HIBCH: variants seen among roughly 807,000 people sequenced by gnomAD.
HIBCH encodes 3-hydroxyisobutyryl-CoA hydrolase.
Under a neutral mutation model 58.2 loss-of-function variants are expected in HIBCH, and 50 were observed. The observed-to-expected ratio is 0.86, with a 90% CI of 0.68 to 1.09. The LOEUF is 1.09. HIBCH is among the 50% of genes least tolerant of loss of function. HIBCH has a pLI of 0.00. For synonymous variants in HIBCH, 151 were observed against 146.9 expected (o/e 1.03, Z -0.20); for missense variants, 450 against 449.7 (o/e 1.00, Z -0.01).
intron 1 of HIBCH, among the ~76,000 whole-genome samples, chr2:190,192,324 A>G (rs1208630852): frequency 6.6e-6 from 1 of 152,004 alleles, no homozygotes; most frequent in Non-Finnish European, 1.5e-5. Flanking sequence ...CCTTTTGTCA[A>G]TATAGCACTA....
At chr2:190,282,253 C>G (rs1371973103) in intron 6 of HIBCH, among the ~76,000 whole-genome samples, 1 of 152,148 alleles carries the variant, frequency 6.6e-6, no homozygotes, top group African/African-American at 2.4e-5. Flanking sequence ...GCTACTGTAA[C>G]AGGATACACA....
intron 6 of HIBCH, among the ~76,000 whole-genome samples, chr2:190,282,266 CTAGGT>C (rs1687721865): frequency 6.6e-6 from 1 of 152,174 alleles, no homozygotes; most frequent in Non-Finnish European, 1.5e-5. Flanking sequence ...GATACACAGA[CTAGGT>C]AACTTATAAA....
At chr2:190,212,171 T>A (rs1430575990) in intron 12 of HIBCH, among the ~76,000 whole-genome samples, 3 of 152,222 alleles carry the variant, frequency 2.0e-5, no homozygotes, top group Non-Finnish European at 4.4e-5. Context: ...CTGCACATAA[T>A]AAACAATAGA....
Position 190,304,252 on chromosome 2 carries a change from T to TAAA in HIBCH, c.78+6499_78+6501dup, listed in dbSNP as rs34508159. 1.4e-5 allele frequency among the ~76,000 whole-genome samples: 2 copies of TAAA among 145,540 alleles called. No homozygotes were observed. The highest frequency in any genetic ancestry group is 5.1e-5 in the African/African-American group (2 of 39,436). On this transcript the variant is annotated intron_variant, in intron 2 of 13. Transcript: ENST00000359678. The surrounding 1 kb of genome is among the most constrained non-coding windows in gnomAD (Gnocchi z 4.1). ...GAATACCTGAAACTGTGTAATTTGTTAAAAAAAAAAAAAAAAAGGAATTTA... is the reference window on the plus strand; with the variant it reads ...GAATACCTGAAACTGTGTAATTTGTTAAAAAAAAAAAAAAAAAAAAGGAATTTA...
Position 190,252,281 on chromosome 2 carries a change from A to G in HIBCH, c.544T>C (p.Tyr182His). ...IGLFPDVGGG[Y>H]FLPRLQGKLG... ...TTTCCTTGGAGTCGTGGCAAGAAAT[A>G]ACCTCCACCCACATCAGGGAACAGT... Residue 182 changes from tyrosine (Y) to histidine (H), a missense_variant, in exon 8 of 14, where the codon TAT becomes CAT. Tyr to His is a moderately conservative substitution (Grantham distance 83). Coordinates refer to ENST00000359678, the MANE Select transcript of HIBCH (RefSeq NM_014362.4). 6.2e-7 allele frequency: 1 copy of G among 1,613,604 alleles called. No homozygotes were observed. Among genetic ancestry groups the G allele is most frequent in the Non-Finnish European group, 8.5e-7 (1 of 1,179,552 alleles).
At chr2:190,305,849 T>A (rs951969809) in intron 2 of HIBCH, among the ~76,000 whole-genome samples, 3 of 152,338 alleles carry the variant, frequency 2.0e-5, no homozygotes, top group Non-Finnish European at 4.4e-5. Flanking sequence ...CACATCCAGC[T>A]GAACCCATAA....
rs75352449 is a variant in HIBCH at position 190,252,143 on chromosome 2, C to A, written c.663+19G>T. The stretch of plus-strand genomic sequence containing the variant: ...GTTGTTATTCCAACAATACAAAATG[C>A]AAACATCTGAAAAAGTACCTTTTCA... On this transcript the variant is annotated intron_variant, in intron 8 of 13. Transcript: ENST00000359678. 8,458 of 1,612,072 alleles carry A rather than the reference C, an allele frequency of 5.2e-3. 38 individuals carry two copies. Among genetic ancestry groups the A allele is most frequent in the Middle Eastern group, 7.6e-3 (46 of 6,052 alleles).
chr2:190,231,222 T>C (rs905516991), intron 11 of HIBCH, among the ~76,000 whole-genome samples: 1 of 152,180 alleles, frequency 6.6e-6, no homozygotes, highest in South Asian at 2.1e-4. Context: ...TAATGTGAGA[T>C]AGATCTAGAC....
chr2:190,221,827 G>A (rs534688745), intron 11 of HIBCH, among the ~76,000 whole-genome samples: 1 of 152,252 alleles, frequency 6.6e-6, no homozygotes, highest in South Asian at 2.1e-4. Context: ...GCTTTGGAGA[G>A]GAATCTGGCC....
At chr2:190,240,951 G>C (rs373373693) in intron 11 of HIBCH, among the ~76,000 whole-genome samples, 13 of 152,184 alleles carry the variant, frequency 8.5e-5, no homozygotes, top group African/African-American at 3.1e-4. Context: ...CGTATATTAT[G>C]TTGATTTGGG....
chr2:190,277,207 A>C (rs913751631), intron 6 of HIBCH, among the ~76,000 whole-genome samples: 3 of 152,322 alleles, frequency 2.0e-5, no homozygotes, highest in South Asian at 2.1e-4. Flanking sequence ...CTGATCTACC[A>C]TGTGGAGAAC....
chr2:190,318,694 T>TCTATTTG (rs1244870072), intron 1 of HIBCH, among the ~76,000 whole-genome samples: 3 of 152,224 alleles, frequency 2.0e-5, no homozygotes, highest in Non-Finnish European at 2.9e-5. Context: ...AGTTTGTTTC[T>TCTATTTG]CTATTTGCTA....
At chr2:190,198,631 CAAAAAAAAAA>C (rs35125102) in intron 1 of HIBCH, among the ~76,000 whole-genome samples, 2,106 of 70,744 alleles carry the variant, frequency 0.03, 91 homozygotes, top group African/African-American at 0.1. Context: ...GACCCTGTCT[CAAAAAAAAAA>C]AAAAAAAAAA....
chr2:190,277,967 A>T (rs764860209), intron 6 of HIBCH, among the ~76,000 whole-genome samples: 1 of 152,236 alleles, frequency 6.6e-6, no homozygotes, highest in Admixed American at 6.5e-5. Context: ...TTCTTTTAAC[A>T]GATTAAAAAT....
At chr2:190,275,210 G>C (rs1687514924) in intron 6 of HIBCH, among the ~76,000 whole-genome samples, 1 of 152,172 alleles carries the variant, frequency 6.6e-6, no homozygotes, top group Non-Finnish European at 1.5e-5. Flanking sequence ...GACTAGGAGG[G>C]AGAGAGAGGA....
chr2:190,252,097 C>T (rs560129458), intron 8 of HIBCH, 65 bp downstream of exon 8: 8 of 1,493,148 alleles, frequency 5.4e-6, no homozygotes, highest in African/African-American at 2.8e-5. Flanking sequence ...ACCCATTGTA[C>T]CTTCCCATGC....
At chr2:190,191,141 TTTTC>T (rs760441056) in intron 1 of HIBCH, among the ~76,000 whole-genome samples, 2 of 152,168 alleles carry the variant, frequency 1.3e-5, no homozygotes, top group Non-Finnish European at 2.9e-5. Flanking sequence ...ATACAATTTT[TTTTC>T]TTTATTTTTT....
At chr2:190,278,983 T>G (rs1210107054) in intron 6 of HIBCH, among the ~76,000 whole-genome samples, 1 of 152,176 alleles carries the variant, frequency 6.6e-6, no homozygotes, top group Non-Finnish European at 1.5e-5. Context: ...ACTGAGTATC[T>G]GAGACTGGGC....
chr2:190,201,598 T>G (rs1446352513), downstream of HIBCH: 1 of 167,060 alleles, frequency 6.0e-6, no homozygotes, highest in African/African-American at 2.4e-5. Context: ...ACTAATACTT[T>G]GAAACCCACA....
Sources: allele counts gnomAD v4.1 joint callset (sites outside exome capture counted in the v4.1 genomes callset), GRCh38; gene constraint gnomAD v4.1.1; non-coding constraint Gnocchi (gnomAD v3.1); transcripts MANE v1.5; gene names NCBI Gene and HGNC (gene_info 2026-07-23, HGNC 2026-07-21).